PYGB: variants seen among roughly 807,000 people sequenced by gnomAD.
The protein encoded by PYGB is glycogen phosphorylase, brain form.
A neutral mutation model predicts 94.3 loss-of-function variants in PYGB; 82 were observed. That is an observed-to-expected ratio of 0.87 (90% CI 0.73 to 1.04). The LOEUF is 1.04. PYGB is among the 50% of genes least tolerant of loss of function. The pLI is 0.00. For missense variants in PYGB, 1,132 were observed against 1,158.2 expected, an observed-to-expected ratio of 0.98 and a Z score of 0.33; for synonymous variants, 488 against 479.1, an observed-to-expected ratio of 1.02 and a Z score of -0.24.
At chr20:25,251,111 TCAG>T (rs2092886724) in intron 1 of PYGB, 2 of 152,204 alleles carry the variant, frequency 1.3e-5, no homozygotes, top group South Asian at 4.1e-4. Flanking sequence ...GCTTGGCAAA[TCAG>T]CACGTCAAAA....
At chr20:25,272,118 G>A (rs765554062) in intron 4 of PYGB, among the ~76,000 whole-genome samples, 5 of 152,254 alleles carry the variant, frequency 3.3e-5, no homozygotes, top group Middle Eastern at 3.4e-3. Flanking sequence ...CCTCCCTGGC[G>A]AGCAGCTCCC....
In PYGB at chr20:25,284,197, C is replaced by T; in HGVS notation, c.1714C>T (p.His572Tyr). The change falls in exon 14 of 20, where the codon CAC (histidine) becomes TAC (tyrosine). Residue 572 changes from histidine (H) to tyrosine (Y), a missense_variant. Physicochemically the swap from His to Tyr is moderately conservative, Grantham distance 83. Coordinates refer to ENST00000216962, the MANE Select transcript of PYGB (RefSeq NM_002862.4). ...GTTCGATGTGCATGTGAAGAGGATC[C>T]ACGAGTACAAGCGGCAGCTGCTCAA... ...SMFDVHVKRI[H>Y]EYKRQLLNCL... The T allele has an allele frequency of 6.2e-7, 1 of 1,614,064 alleles. No individual in the cohort carries two copies. Among genetic ancestry groups the T allele is most frequent in the South Asian group, 1.1e-5 (1 of 91,068 alleles).
intron 18 of PYGB, chr20:25,295,094 C>G: frequency 1.3e-6 from 2 of 1,489,642 alleles, no homozygotes; most frequent in Non-Finnish European, 1.9e-6. Flanking sequence ...GCTTCTGACT[C>G]GATAGTGAAC....
rs562088063 is a variant in PYGB, at chr20:25,290,019, C to A, written c.1828-462C>A. Reference sequence around the variant, plus strand: ...TGAGTGAGGGCCCAGTGAGTCCTCACCTTGGACTGGCCGTGGTGTCTCAGT... The same window carrying A: ...TGAGTGAGGGCCCAGTGAGTCCTCAACTTGGACTGGCCGTGGTGTCTCAGT... On this transcript the variant is annotated intron_variant, in intron 15 of 19. Coordinates refer to ENST00000216962, the MANE Select transcript of PYGB (RefSeq NM_002862.4). 718 of 512,086 alleles carry A rather than the reference C, an allele frequency of 1.4e-3. 2 individuals carry two copies. The highest frequency in any genetic ancestry group is 2.2e-3 in the Non-Finnish European group (537 of 247,676). 31.7% of individuals were successfully genotyped at this position (512,086 alleles called of 1,614,324 possible). A position where few individuals can be genotyped will look rare whatever the true frequency, so the allele number is the denominator to read the frequency against.
At chr20:25,273,530 A>G in intron 4 of PYGB, among the ~76,000 whole-genome samples, 1 of 152,176 alleles carries the variant, frequency 6.6e-6, no homozygotes, top group Non-Finnish European at 1.5e-5. Flanking sequence ...CAGTTTTAGT[A>G]ATTGAGACTT....
rs2088341988 is a variant in PYGB at position 25,279,095 on chromosome 20, C to T, written c.1038C>T (p.Ser346=). 6.2e-7 allele frequency: 1 copy of T among 1,613,934 alleles called. No homozygotes were observed. The highest frequency in any genetic ancestry group is 8.5e-7 in the Non-Finnish European group (1 of 1,179,932). The change falls in exon 9 of 20, where the codon TCC becomes TCT. Residue 346 remains serine, a synonymous_variant. Coordinates refer to ENST00000216962, the MANE Select transcript of PYGB (RefSeq NM_002862.4). ...IQLNDTHPAL[S]IPELMRILVD... ...TGAACGACACCCACCCCGCCCTCTC[C>T]ATCCCTGAGCTCATGCGGATCCTGG...
intron 14 of PYGB, among the ~76,000 whole-genome samples, chr20:25,286,485 G>A (rs907079669): frequency 1.3e-5 from 2 of 152,190 alleles, no homozygotes; most frequent in Non-Finnish European, 1.5e-5. Context: ...GATTTGCGAA[G>A]GGGTTCACTC....
chr20:25,293,925 CAAAGG>C, intron 17 of PYGB: 1 of 569,510 alleles, frequency 1.8e-6, no homozygotes, highest in Non-Finnish European at 3.1e-6. Flanking sequence ...CTTTAACAGT[CAAAGG>C]AGCAGGTGGG....
chr20:25,249,849 C>CG (rs2092882560), intron 1 of PYGB, among the ~76,000 whole-genome samples: 6 of 122,266 alleles, frequency 4.9e-5, no homozygotes. Flanking sequence ...TGCACAGCAC[C>CG]ATTTTTTTTT....
chr20:25,262,913 T>C (rs1490029198), intron 2 of PYGB, among the ~76,000 whole-genome samples: 3 of 152,282 alleles, frequency 2.0e-5, no homozygotes, highest in Non-Finnish European at 4.4e-5. Flanking sequence ...CAAGAAGAGC[T>C]AACTATTCTA....
intron 2 of PYGB, among the ~76,000 whole-genome samples, chr20:25,268,542 C>T (rs2088239401): frequency 6.6e-6 from 1 of 152,054 alleles, no homozygotes; most frequent in Non-Finnish European, 1.5e-5. Flanking sequence ...TCAACAAAAG[C>T]TCTTTGGATC....
At position 25,248,212 on chromosome 20, in the gene PYGB, A is replaced by C; in HGVS notation, c.34A>C (p.Lys12Gln). The part of the protein sequence containing the change: ...AKPLTDSEKR[K>Q]QISVRGLAGL... Reference sequence around the variant, plus strand: ...GCCGCTGACGGACAGCGAGAAGCGGAAGCAGATCAGCGTGCGCGGCCTGGC... The same window carrying C: ...GCCGCTGACGGACAGCGAGAAGCGGCAGCAGATCAGCGTGCGCGGCCTGGC... Residue 12 changes from lysine to glutamine, a missense_variant, in exon 1 of 20, where the codon AAG becomes CAG. Coordinates refer to ENST00000216962, the MANE Select transcript of PYGB (RefSeq NM_002862.4). 1 of 1,593,598 alleles carries C rather than the reference A, an allele frequency of 6.3e-7. No individual in the cohort carries two copies. The highest frequency in any genetic ancestry group is 2.3e-5 in the East Asian group (1 of 42,632).
rs573135416 is a variant in PYGB, at chr20:25,279,487, G to A, written c.1092+338G>A. On this transcript the variant is annotated intron_variant, in intron 9 of 19. Transcript: ENST00000216962. ...GTGCTCTATTCATGCACCTGCCCTC[G>A]CGATTCAGTGTATTTTGGACTTAAA... Among the ~76,000 whole-genome samples the A allele has an allele frequency of 6.6e-5, 10 of 152,244 alleles. No homozygotes were observed. In the South Asian group the frequency reaches 8.3e-4, roughly 13 times the overall value.
chr20:25,295,527 C>T, intron 18 of PYGB, 77 bp from the exon 19 acceptor site: 1 of 1,500,030 alleles, frequency 6.7e-7, no homozygotes, highest in South Asian at 1.1e-5. Flanking sequence ...TGGCCTCCTG[C>T]CCTGGGACTC....
At position 25,284,035 on chromosome 20, in the gene PYGB, G is replaced by C. The variant is rs2088394334; in HGVS notation, c.1621-69G>C. On this transcript the variant is annotated intron_variant, in intron 13 of 19. Transcript: ENST00000216962. ...CACTCTTCACAGGGCACTTGAAGCA[G>C]GAAGCCGCAGGGTCAGTGGATGGAG... 2.6e-5 allele frequency: 41 copies of C among 1,574,366 alleles called. 1 individual carries two copies. In the South Asian group the frequency reaches 4.9e-4, roughly 19 times the overall value.
At chr20:25,288,369 C>G in intron 14 of PYGB, 56 bp from the exon 15 acceptor site, 2 of 1,600,564 alleles carry the variant, frequency 1.2e-6, no homozygotes, top group South Asian at 1.1e-5. Context: ...TGGGCCCCAG[C>G]AGGGGCTCGT....
intron 2 of PYGB, 101 bp downstream of exon 2, chr20:25,259,439 G>A: frequency 2.3e-6 from 2 of 881,244 alleles, no homozygotes; most frequent in South Asian, 1.7e-5. Context: ...AAGACTAGCA[G>A]CTATCTGGGA....
chr20:25,260,807 GCAAACGGCACA>G (rs764606233), intron 2 of PYGB, among the ~76,000 whole-genome samples: 3 of 152,248 alleles, frequency 2.0e-5, no homozygotes, highest in Non-Finnish European at 4.4e-5. Flanking sequence ...AACGGTCTTA[GCAAACGGCACA>G]CGAGGAAATT....
intron 18 of PYGB, among the ~76,000 whole-genome samples, chr20:25,295,257 C>T (rs1426585142): frequency 3.9e-5 from 6 of 152,242 alleles, no homozygotes; most frequent in African/African-American, 9.6e-5. Flanking sequence ...CCTGAGGCGG[C>T]GCCATGGGCT....
Sources: allele counts gnomAD v4.1 joint callset (sites outside exome capture counted in the v4.1 genomes callset), GRCh38; gene constraint gnomAD v4.1.1; transcripts MANE v1.5; gene names NCBI Gene and HGNC (gene_info 2026-07-23, HGNC 2026-07-21).